The following BST1 variants were observed in gnomAD, a reference collection of about 807,000 sequenced individuals.
BST1 encodes the protein bone marrow stromal cell antigen 1.
A neutral mutation model predicts 40.6 loss-of-function variants in BST1; 49 were observed. The ratio of observed to expected loss-of-function variants is 1.21; its 90% confidence interval spans 0.96 to 1.53. The LOEUF (loss-of-function observed/expected upper bound fraction) is 1.53, where lower values mean the gene tolerates loss of function less well. BST1 is among the 40% of genes most tolerant of loss of function. The probability of loss-of-function intolerance (pLI) is 0.00; values close to 1 mark genes in which losing one functional copy is unlikely to be tolerated. For missense variants in BST1, 423 were observed against 395.9 expected (o/e 1.07, Z -0.58); for synonymous variants, 157 against 159.3 (o/e 0.99, Z 0.11).
chr4:15,756,207 T>C, the BST1 span, among the ~76,000 whole-genome samples: 2 of 151,790 alleles, frequency 1.3e-5, no homozygotes, highest in Non-Finnish European at 2.9e-5. Flanking sequence ...GCAGGGTGGG[T>C]TGGGGGAAGC....
intron 7 of BST1, among the ~76,000 whole-genome samples, chr4:15,721,879 A>C (rs1230036553): frequency 6.9e-6 from 1 of 145,234 alleles, no homozygotes; most frequent in Non-Finnish European, 1.5e-5. Context: ...AAGACATGGC[A>C]TGCCATAGAG....
At position 15,703,103 on chromosome 4, in the gene BST1, G is replaced by T; in HGVS notation, c.-42G>T. ...ACCGCCTTGGTAGAAGGAGAGAAGG[G>T]GAGTGGAGGAAGCACGGGACTGGAG... On this transcript the variant is annotated 5_prime_UTR_variant, in exon 1 of 9. Transcript: ENST00000265016. 6.5e-7 allele frequency: 1 copy of T among 1,540,486 alleles called. No individual in the cohort carries two copies.
intron 4 of BST1, among the ~76,000 whole-genome samples, chr4:15,713,079 A>G (rs536440215): frequency 1.3e-5 from 2 of 152,366 alleles, no homozygotes; most frequent in Non-Finnish European, 2.9e-5. Flanking sequence ...TTTTTTGAGA[A>G]CTTGGCATTT....
At position 15,714,069 on chromosome 4, in the gene BST1, A is replaced by G. The variant is rs1720376043; in HGVS notation, c.535-1216A>G. Among the ~76,000 whole-genome samples the G allele has an allele frequency of 2.0e-5, 3 of 152,074 alleles. No individual in the cohort carries two copies. In the South Asian group the frequency reaches 6.2e-4, roughly 31 times the overall value. ...GTGTAATAGCTGCTCATAATAGTGA[A>G]TGACACATATAGAAAATATAAATTA... is the stretch of plus-strand genomic sequence containing the variant. On this transcript the variant is annotated intron_variant, in intron 4 of 8. Coordinates refer to ENST00000265016, the MANE Select transcript of BST1 (RefSeq NM_004334.3).
At chr4:15,730,570 C>T (rs16892287) in intron 8 of BST1, among the ~76,000 whole-genome samples, 13,258 of 152,154 alleles carry the variant, frequency 0.087, 1,215 homozygotes, top group East Asian at 0.52. Flanking sequence ...GAAGAACGCA[C>T]GTTGCAGATT....
the BST1 span, among the ~76,000 whole-genome samples, chr4:15,773,362 A>T: frequency 6.6e-6 from 1 of 152,226 alleles, no homozygotes; most frequent in African/African-American, 2.4e-5. Context: ...AAAGATTAAA[A>T]GTTTAGTTTT....
At position 15,732,218 on chromosome 4, in the gene BST1, G is replaced by A. The variant is rs1364680849; in HGVS notation, c.*373G>A. On this transcript the variant is annotated 3_prime_UTR_variant, in exon 9 of 9. Transcript: ENST00000265016. ...CCAGCAGCACGGACACTGCATGCTTGTTGATTGCTTAAGACATATGTATAC... is the reference window on the plus strand; with the variant it reads ...CCAGCAGCACGGACACTGCATGCTTATTGATTGCTTAAGACATATGTATAC... The A allele has an allele frequency of 2.7e-6, 2 of 736,224 alleles. No individual in the cohort carries two copies. The highest frequency in any genetic ancestry group is 1.7e-6 in the Non-Finnish European group (1 of 590,164). The allele number at this position is 736,224 out of a possible 1,614,324, so 45.6% of individuals were successfully genotyped here. A position where few individuals can be genotyped will look rare whatever the true frequency, so the allele number is the denominator to read the frequency against.
rs1449006014 is a variant in BST1 at position 15,716,103 on chromosome 4, C to A, written c.704+304C>A. Among the ~76,000 whole-genome samples, 17 of 152,122 alleles carry A rather than the reference C, an allele frequency of 1.1e-4. 1 individual carries two copies. Among genetic ancestry groups the A allele is most frequent in the Admixed American group, 1.1e-3 (17 of 15,280 alleles). ...CTTATGCATTTGTGAGGGTCTAAGCCAGTTTCTCCTTCTGGTCATTTGAAA... is the reference window on the plus strand; with the variant it reads ...CTTATGCATTTGTGAGGGTCTAAGCAAGTTTCTCCTTCTGGTCATTTGAAA... On this transcript the variant is annotated intron_variant, in intron 6 of 8. Transcript: ENST00000265016.
chr4:15,740,117 C>T (rs780221909), downstream of BST1, among the ~76,000 whole-genome samples: 7 of 152,096 alleles, frequency 4.6e-5, no homozygotes, highest in South Asian at 2.1e-4. Context: ...GCAGTGGCAC[C>T]GTCTCGTCTC....
chr4:15,712,511 C>A (rs1720271305), intron 4 of BST1, among the ~76,000 whole-genome samples: 1 of 152,320 alleles, frequency 6.6e-6, no homozygotes, highest in African/African-American at 2.4e-5. Context: ...CAGTGCCTGG[C>A]AAAGAGCTGT....
At chr4:15,711,952 T>G in intron 4 of BST1, 63 bp downstream of exon 4, 1 of 1,424,060 alleles carries the variant, frequency 7.0e-7, no homozygotes, top group South Asian at 1.2e-5. Flanking sequence ...TGGAACATAG[T>G]CATTCAGAGT....
chr4:15,761,815 G>C, the BST1 span, among the ~76,000 whole-genome samples: 192 of 152,056 alleles, frequency 1.3e-3, no homozygotes, highest in Admixed American at 9.8e-4. Context: ...GCTCAACACA[G>C]GTTTTGAGTG....
intron 6 of BST1, among the ~76,000 whole-genome samples, chr4:15,716,502 A>C (rs1307135299): frequency 6.6e-6 from 1 of 152,176 alleles, no homozygotes. Context: ...TACTAACCCC[A>C]AGGAGTGCAG....
chr4:15,705,650 A>G lies in BST1; in HGVS notation c.315+9A>G, dbSNP rs747721972. The G allele has an allele frequency of 5.0e-6, 8 of 1,613,836 alleles. No homozygotes were observed. Among genetic ancestry groups the G allele is most frequent in the Non-Finnish European group, 6.8e-6 (8 of 1,179,854 alleles). Reference sequence around the variant, plus strand: ...CTATTCCCAGAGATAAGGTAACACCACAACCATCTTGGGTAAAACTGTGTT... The same window carrying G: ...CTATTCCCAGAGATAAGGTAACACCGCAACCATCTTGGGTAAAACTGTGTT... On this transcript the variant is annotated intron_variant, in intron 2 of 8. Coordinates refer to ENST00000265016, the MANE Select transcript of BST1 (RefSeq NM_004334.3).
Position 15,731,959 on chromosome 4 carries a change from G to T in BST1, c.*114G>T. The T allele has an allele frequency of 7.2e-7, 1 of 1,391,056 alleles. No homozygotes were observed. The highest frequency in any genetic ancestry group is 2.8e-5 in the East Asian group (1 of 36,356). The allele number at this position is 1,391,056 out of a possible 1,614,324, so 86.2% of individuals were successfully genotyped here. ...GTTATCTAAAGAAGCTTTTTGCTGG[G>T]AAAACGATGTCCTGAAAATGGTATT... On this transcript the variant is annotated 3_prime_UTR_variant, in exon 9 of 9. Coordinates refer to ENST00000265016, the MANE Select transcript of BST1 (RefSeq NM_004334.3).
At chr4:15,723,047 T>A in intron 8 of BST1, 113 bp downstream of exon 8, 1 of 985,672 alleles carries the variant, frequency 1.0e-6, no homozygotes, top group South Asian at 1.5e-5. Flanking sequence ...AGTGTGCTCA[T>A]TGGATTCTGG....
intron 8 of BST1, chr4:15,723,715 C>A: frequency 1.3e-6 from 1 of 746,462 alleles, no homozygotes; most frequent in Non-Finnish European, 1.6e-6. Flanking sequence ...AATTGAGTTG[C>A]TGAGTCAAAG....
At chr4:15,720,973 G>A (rs1168289907) in intron 7 of BST1, among the ~76,000 whole-genome samples, 3 of 152,172 alleles carry the variant, frequency 2.0e-5, no homozygotes, top group Non-Finnish European at 4.4e-5. Context: ...AGGTCTCCTT[G>A]CCCCTCACGG....
intron 8 of BST1, chr4:15,731,372 C>T (rs1721364006): frequency 1.9e-6 from 1 of 523,280 alleles, no homozygotes; most frequent in Non-Finnish European, 3.5e-6. Context: ...CCTCGTTTTC[C>T]ATGTGGTGGA....
Sources: gnomAD v4.1 joint callset for allele counts (sites outside exome capture counted in the v4.1 genomes callset) on GRCh38, gnomAD v4.1.1 for gene constraint, MANE v1.5 for transcripts, NCBI Gene and HGNC (gene_info 2026-07-23, HGNC 2026-07-21) for gene names.